Variants in TJP2 observed in about 807,000 individuals in gnomAD.
TJP2 encodes the protein Friedreich ataxia region gene X104 (tight junction protein ZO-2).
TJP2 carries 91 observed loss-of-function variants against 133.1 expected under a neutral mutation model. That is an observed-to-expected ratio of 0.68 (90% CI 0.58 to 0.81). TJP2 has a LOEUF of 0.81. Ranked by LOEUF, TJP2 falls within the 40% of genes least tolerant of loss-of-function variation. The pLI, the probability that TJP2 is intolerant of heterozygous loss-of-function variation, is 0.00. For synonymous variants in TJP2, 592 were observed against 583.4 expected, an observed-to-expected ratio of 1.01 and a Z score of -0.21; for missense variants, 1,541 against 1,565.6, an observed-to-expected ratio of 0.98 and a Z score of 0.26.
intron 3 of TJP2, among the ~76,000 whole-genome samples, chr9:69,217,300 A>G (rs1321628351): frequency 1.3e-5 from 2 of 152,174 alleles, no homozygotes; most frequent in Admixed American, 6.5e-5. Flanking sequence ...TGGTAACACC[A>G]TTTTACATGA....
chr9:69,234,115 G>A (rs540876055), intron 11 of TJP2, among the ~76,000 whole-genome samples: 2 of 152,332 alleles, frequency 1.3e-5, no homozygotes, highest in Non-Finnish European at 2.9e-5. Context: ...ACAGAAGGGA[G>A]ATGGATAGAA....
intron 22 of TJP2, 76 bp downstream of exon 22, chr9:69,252,976 T>TGC: frequency 7.1e-7 from 1 of 1,413,308 alleles, no homozygotes; most frequent in Non-Finnish European, 9.9e-7. Flanking sequence ...GAATTTCCTT[T>TGC]ACCCAAATTT....
Position 69,230,295 on chromosome 9 carries a change from CT to C in TJP2, c.1671+66del, listed in dbSNP as rs1829675788. 3.1e-6 allele frequency: 5 copies of C among 1,605,420 alleles called. No homozygotes were observed. In the South Asian group the frequency reaches 4.4e-5, roughly 14 times the overall value. ...TAAGGAGTGCACTTTTCTGGGTGTT[CT>C]TTCTGTAAGGGAAGACAAAATGGTT... On this transcript the variant is annotated intron_variant, in intron 11 of 22. Transcript: ENST00000377245.
At chr9:69,154,346 A>T (rs553665466) in intron 2 of TJP2, among the ~76,000 whole-genome samples, 4 of 152,206 alleles carry the variant, frequency 2.6e-5, no homozygotes, top group Non-Finnish European at 5.9e-5. Context: ...TGGGTGGAGC[A>T]GGTGTCTGCC....
At chr9:69,195,686 C>A (rs76667937) in intron 1 of TJP2, among the ~76,000 whole-genome samples, 3 of 152,164 alleles carry the variant, frequency 2.0e-5, no homozygotes, top group Non-Finnish European at 2.9e-5. Context: ...TCAGGCCCCC[C>A]CTTTTCCATG....
At chr9:69,135,471 C>T (rs548027804) in intron 1 of TJP2, among the ~76,000 whole-genome samples, 6 of 152,212 alleles carry the variant, frequency 3.9e-5, no homozygotes, top group Middle Eastern at 3.4e-3. Context: ...GGCAGAGTCT[C>T]GCTCTGTCAC....
intron 1 of TJP2, among the ~76,000 whole-genome samples, chr9:69,135,990 G>A (rs1822714497): frequency 1.3e-5 from 2 of 152,168 alleles, no homozygotes; most frequent in Non-Finnish European, 2.9e-5. Flanking sequence ...TCAAGTGCTA[G>A]TTCCTGAGTG....
chr9:69,188,392 G>T (rs181121399), intron 1 of TJP2, among the ~76,000 whole-genome samples: 7 of 152,216 alleles, frequency 4.6e-5, no homozygotes, highest in African/African-American at 1.7e-4. Context: ...CACACGGCTT[G>T]TGTGACAGGG....
At chr9:69,154,163 A>G (rs896655151) in intron 2 of TJP2, among the ~76,000 whole-genome samples, 1 of 152,188 alleles carries the variant, frequency 6.6e-6, no homozygotes, top group Non-Finnish European at 1.5e-5. Context: ...TTGTATTTCT[A>G]TACTAATTCT....
intron 2 of TJP2, among the ~76,000 whole-genome samples, chr9:69,215,908 A>G (rs1371983153): frequency 6.6e-6 from 1 of 152,154 alleles, no homozygotes; most frequent in Non-Finnish European, 1.5e-5. Flanking sequence ...TCTCTTAAAA[A>G]ACAAATACAA....
At chr9:69,202,744 G>A (rs1381957286) in intron 1 of TJP2, among the ~76,000 whole-genome samples, 2 of 152,042 alleles carry the variant, frequency 1.3e-5, no homozygotes, top group Non-Finnish European at 1.5e-5. Flanking sequence ...CTGTGCCCAG[G>A]CGGCAGAGGC....
intron 2 of TJP2, among the ~76,000 whole-genome samples, chr9:69,168,764 T>C (rs920559320): frequency 2.7e-5 from 4 of 148,262 alleles, no homozygotes; most frequent in Non-Finnish European, 5.9e-5. Flanking sequence ...CATTGCACAT[T>C]GCAATCCAGC....
At chr9:69,152,047 C>G (rs1823501038) in intron 2 of TJP2, among the ~76,000 whole-genome samples, 1 of 145,834 alleles carries the variant, frequency 6.9e-6, no homozygotes, top group African/African-American at 2.5e-5. Context: ...GTAAGTACAA[C>G]TTCTGTGGTT....
At chr9:69,190,937 G>C (rs1218681174) in intron 1 of TJP2, among the ~76,000 whole-genome samples, 2 of 152,186 alleles carry the variant, frequency 1.3e-5, no homozygotes, top group Non-Finnish European at 2.9e-5. Flanking sequence ...GGCCCTTTGA[G>C]AAAATGTTTC....
chr9:69,254,392 C>T lies in TJP2; in HGVS notation c.*18C>T. On this transcript the variant is annotated 3_prime_UTR_variant, in exon 23 of 23. Coordinates refer to ENST00000377245, the MANE Select transcript of TJP2 (RefSeq NM_004817.4). ...AATTATAGATGTCTGAGCACGGACT[C>T]TCCCAGGCCTGCCTGCATGGCATCA... 1 of 1,613,676 alleles carries T rather than the reference C, an allele frequency of 6.2e-7. No homozygotes were observed. Among genetic ancestry groups the T allele is most frequent in the Non-Finnish European group, 8.5e-7 (1 of 1,180,046 alleles).
intron 16 of TJP2, among the ~76,000 whole-genome samples, chr9:69,239,049 C>A (rs1048517995): frequency 2.0e-5 from 3 of 151,988 alleles, no homozygotes; most frequent in African/African-American, 7.3e-5. Flanking sequence ...ATTAGCCGGG[C>A]ACAGTGGCAG....
intron 1 of TJP2, among the ~76,000 whole-genome samples, chr9:69,139,237 C>T (rs11145415): frequency 0.18 from 26,899 of 152,110 alleles, 2,467 homozygotes; most frequent in Middle Eastern, 0.23. Context: ...ACCAACCAAA[C>T]AAAATGTTTT....
chr9:69,161,519 G>T (rs923636814), intron 2 of TJP2, among the ~76,000 whole-genome samples: 7 of 151,974 alleles, frequency 4.6e-5, no homozygotes, highest in African/African-American at 1.7e-4. Flanking sequence ...GAGCCACTGC[G>T]CCCGGCCTGA....
intron 2 of TJP2, among the ~76,000 whole-genome samples, chr9:69,159,273 A>G (rs1161730758): frequency 6.6e-6 from 1 of 152,156 alleles, no homozygotes; most frequent in Non-Finnish European, 1.5e-5. Flanking sequence ...ATGAGCCAAG[A>G]TTACGCCACT....
Sources: gnomAD v4.1 joint callset for allele counts (sites outside exome capture counted in the v4.1 genomes callset) on GRCh38, gnomAD v4.1.1 for gene constraint, MANE v1.5 for transcripts, NCBI Gene and HGNC (gene_info 2026-07-23, HGNC 2026-07-21) for gene names.